The following SCN8A variants were observed in gnomAD, a reference collection of about 807,000 sequenced individuals.
SCN8A encodes the protein sodium channel protein type 8 subunit alpha.
Under a neutral mutation model 184.1 loss-of-function variants are expected in SCN8A, and 30 were observed. The ratio of observed to expected loss-of-function variants is 0.16; its 90% confidence interval spans 0.12 to 0.22. The LOEUF (loss-of-function observed/expected upper bound fraction) is 0.22. SCN8A is among the 10% of genes least tolerant of loss of function. SCN8A has a pLI of 1.00. For missense variants in SCN8A, 1,057 were observed against 2,498.9 expected (o/e 0.42, Z 12.30); for synonymous variants, 852 against 907.0 (o/e 0.94, Z 1.09).
At chr12:51,646,456 G>A (rs979948884) in intron 1 of SCN8A, among the ~76,000 whole-genome samples, 26 of 152,180 alleles carry the variant, frequency 1.7e-4, no homozygotes, top group Admixed American at 6.5e-5. Context: ...GAAGATGGAT[G>A]GTGCCAATGA....
chr12:51,721,483 A>G (rs903834895), intron 11 of SCN8A, 63 bp from the exon 12 acceptor site: 6 of 1,499,514 alleles, frequency 4.0e-6, no homozygotes, highest in Non-Finnish European at 5.4e-6. Flanking sequence ...TTTGCTCAGT[A>G]TAAAGGTCCA....
intron 9 of SCN8A, among the ~76,000 whole-genome samples, chr12:51,704,053 G>A (rs1941737609): frequency 6.6e-6 from 1 of 151,730 alleles, no homozygotes; most frequent in Admixed American, 6.6e-5. Flanking sequence ...GCACGCACCT[G>A]GCTAATTTTT....
intron 1 of SCN8A, among the ~76,000 whole-genome samples, chr12:51,613,253 T>C (rs1939762498): frequency 6.6e-6 from 1 of 152,188 alleles, no homozygotes; most frequent in African/African-American, 2.4e-5. Context: ...TTTCTTTGTG[T>C]GAAGGTTTTA....
At chr12:51,676,131 C>T (rs544985627) in intron 2 of SCN8A, among the ~76,000 whole-genome samples, 6 of 152,016 alleles carry the variant, frequency 3.9e-5, no homozygotes, top group African/African-American at 1.4e-4. Context: ...GAAGTACACG[C>T]CTAGGGAAGA....
intron 12 of SCN8A, among the ~76,000 whole-genome samples, chr12:51,737,042 G>A (rs1260523788): frequency 1.3e-5 from 2 of 152,200 alleles, no homozygotes; most frequent in African/African-American, 2.4e-5. Flanking sequence ...AAACAGCTTC[G>A]TTTTAGGAAA....
chr12:51,721,989 C>T (rs1013829290), intron 12 of SCN8A, 81 bp downstream of exon 12: 3 of 1,595,978 alleles, frequency 1.9e-6, no homozygotes, highest in South Asian at 1.1e-5. Flanking sequence ...CAGTCTCCCC[C>T]GCTCCTTCCC....
At chr12:51,656,379 A>G (rs1940821824) in intron 1 of SCN8A, among the ~76,000 whole-genome samples, 1 of 152,240 alleles carries the variant, frequency 6.6e-6, no homozygotes, top group Non-Finnish European at 1.5e-5. Flanking sequence ...GAATACCTAC[A>G]TGGCCTTGGA....
chr12:51,773,848 T>A (rs1213157965), intron 19 of SCN8A, among the ~76,000 whole-genome samples: 2 of 151,448 alleles, frequency 1.3e-5, no homozygotes, highest in African/African-American at 4.9e-5. Context: ...GGTGAGTGGC[T>A]GCCTAGGGCT....
intron 13 of SCN8A, among the ~76,000 whole-genome samples, chr12:51,746,471 G>C (rs1219934924): frequency 6.6e-6 from 1 of 152,080 alleles, no homozygotes; most frequent in Non-Finnish European, 1.5e-5. Context: ...CAGCCCTTTT[G>C]GTTTTCCCTT....
intron 5 of SCN8A, among the ~76,000 whole-genome samples, chr12:51,688,255 C>T (rs1401634192): frequency 6.6e-6 from 1 of 152,206 alleles, no homozygotes; most frequent in Admixed American, 6.5e-5. Flanking sequence ...CAGGCCAAAA[C>T]TTCGTTTATA....
intron 2 of SCN8A, among the ~76,000 whole-genome samples, chr12:51,664,495 A>T (rs1397165683): frequency 6.6e-6 from 1 of 152,160 alleles, no homozygotes; most frequent in Non-Finnish European, 1.5e-5. Context: ...GGTGTGAGCC[A>T]TCGCACCTGG....
rs1316176252 is a variant in SCN8A, at chr12:51,721,837, G to A, written c.1927G>A (p.Val643Met). 6.2e-7 allele frequency: 1 copy of A among 1,605,302 alleles called. No individual in the cohort carries two copies. The highest frequency in any genetic ancestry group is 1.1e-5 in the South Asian group (1 of 91,066). Residue 643 changes from valine (V) to methionine (M), a missense_variant, in exon 12 of 27, where the codon GTG (valine) becomes ATG (methionine). Transcript: ENST00000627620. The stretch of plus-strand genomic sequence containing the variant: ...GCGCAGCGTGAAGCGCAACAGCACG[G>A]TGGACTGCAACGGCGTGGTGTCCCT... ...LRRSVKRNSTVDCNGVVSLIG... is the reference protein window; with the variant it reads ...LRRSVKRNSTMDCNGVVSLIG...
Position 51,793,875 on chromosome 12 carries a change from T to C in SCN8A, c.4525-496T>C, listed in dbSNP as rs140805521. 4.0e-3 allele frequency among the ~76,000 whole-genome samples: 597 copies of C among 149,420 alleles called. 3 individuals carry two copies. The highest frequency in any genetic ancestry group is 0.014 in the African/African-American group (544 of 40,294). On this transcript the variant is annotated intron_variant, in intron 25 of 26. Transcript: ENST00000627620. ...AAACAGAAAGAAAGGCCAGGCATGATGGCTCACACCTGTAATCCTAGCATT... is the reference window on the plus strand; with the variant it reads ...AAACAGAAAGAAAGGCCAGGCATGACGGCTCACACCTGTAATCCTAGCATT...
intron 1 of SCN8A, among the ~76,000 whole-genome samples, chr12:51,628,833 A>G (rs1297864400): frequency 1.3e-5 from 2 of 152,224 alleles, no homozygotes; most frequent in East Asian, 3.8e-4. Flanking sequence ...CTGGTTATAT[A>G]TTATTAAGTG....
chr12:51,807,616 C>A lies in SCN8A; in HGVS notation c.*187C>A, dbSNP rs1938748767. The A allele has an allele frequency of 1.5e-6, 1 of 648,972 alleles. No individual in the cohort carries two copies. The highest frequency in any genetic ancestry group is 2.8e-5 in the Admixed American group (1 of 35,760). 40.2% of individuals were successfully genotyped at this position (648,972 alleles called of 1,614,324 possible). On this transcript the variant is annotated 3_prime_UTR_variant, in exon 27 of 27. Transcript: ENST00000627620. The surrounding 1 kb of genome is among the most constrained non-coding windows in gnomAD (Gnocchi z 4.5). ...GCAGTGACCTGCCAAGGGCAAAGGA[C>A]CCCGCTCCCTAGACTTACAGATTTT...
At chr12:51,612,853 C>T (rs1484554021) in intron 1 of SCN8A, among the ~76,000 whole-genome samples, 1 of 152,106 alleles carries the variant, frequency 6.6e-6, no homozygotes, top group Non-Finnish European at 1.5e-5. Context: ...TCCCGAGTAG[C>T]TGGGATTACA....
intron 12 of SCN8A, among the ~76,000 whole-genome samples, chr12:51,726,781 AGCTCT>A (rs890512987): frequency 4.6e-5 from 7 of 152,206 alleles, no homozygotes; most frequent in Non-Finnish European, 1.0e-4. Context: ...TGGCCCTGAT[AGCTCT>A]GAGAAGTAAA....
intron 12 of SCN8A, among the ~76,000 whole-genome samples, chr12:51,725,175 A>G (rs971648126): frequency 2.6e-5 from 4 of 152,148 alleles, no homozygotes; most frequent in African/African-American, 9.7e-5. Flanking sequence ...TTATTTATGT[A>G]TTTATTTATG....
intron 1 of SCN8A, among the ~76,000 whole-genome samples, chr12:51,627,359 A>G (rs970168893): frequency 6.6e-6 from 1 of 152,216 alleles, no homozygotes; most frequent in Non-Finnish European, 1.5e-5. Context: ...TAACCATAAA[A>G]GCCTCAGAAA....
Sources: gnomAD v4.1 joint callset for allele counts (sites outside exome capture counted in the v4.1 genomes callset) on GRCh38, gnomAD v4.1.1 for gene constraint, Gnocchi (gnomAD v3.1) non-coding constraint, MANE v1.5 for transcripts, NCBI Gene and HGNC (gene_info 2026-07-23, HGNC 2026-07-21) for gene names.